Variants in ZFYVE28 observed in about 807,000 individuals in gnomAD.
ZFYVE28 encodes zinc finger FYVE-type containing 28.
A neutral mutation model predicts 82.1 loss-of-function variants in ZFYVE28; 40 were observed. The observed-to-expected ratio is 0.49, with a 90% CI of 0.38 to 0.63. The LOEUF (loss-of-function observed/expected upper bound fraction) is 0.63, where lower values mean the gene tolerates loss of function less well. Among genes scored for constraint, ZFYVE28 ranks in the 30% least tolerant of loss-of-function variants. The pLI is 0.00. For synonymous variants in ZFYVE28, 612 were observed against 546.1 expected, an observed-to-expected ratio of 1.12 and a Z score of -1.68; for missense variants, 1,321 against 1,242.1, an observed-to-expected ratio of 1.06 and a Z score of -0.96.
intron 2 of ZFYVE28, among the ~76,000 whole-genome samples, chr4:2,344,066 C>G (rs989938089): frequency 1.3e-5 from 2 of 152,160 alleles, no homozygotes; most frequent in Non-Finnish European, 2.9e-5. Context: ...AGACAGGAAA[C>G]AAACAAGGTG....
At chr4:2,368,215 A>AACAAAAAC (rs1205022266) in intron 1 of ZFYVE28, among the ~76,000 whole-genome samples, 75 of 146,374 alleles carry the variant, frequency 5.1e-4, no homozygotes, top group Admixed American at 1.4e-3. Flanking sequence ...TCTCTACAAA[A>AACAAAAAC]AAAAAAAAAA....
At chr4:2,285,284 A>T (rs1430548989) in intron 8 of ZFYVE28, 1 of 152,252 alleles carries the variant, frequency 6.6e-6, no homozygotes, top group East Asian at 1.9e-4. Context: ...TGACACCTTG[A>T]TCTCGACTTC....
chr4:2,317,238 T>C (rs1477642253), intron 7 of ZFYVE28, among the ~76,000 whole-genome samples: 2 of 152,200 alleles, frequency 1.3e-5, no homozygotes, highest in Non-Finnish European at 2.9e-5. Context: ...TCCGCCCACC[T>C]TGGCCTCCCA....
At position 2,304,984 on chromosome 4, in the gene ZFYVE28, C is replaced by A. The variant is rs756872061; in HGVS notation, c.1356G>T (p.Ser452=). Residue 452 remains serine (S), a synonymous_variant, in exon 8 of 13, where the codon TCG becomes TCT. Transcript: ENST00000290974. ...TGTTGCTCAAGTCCTCCTCCTTTTC[C>A]GAGGCGGGCAAGCTGATCCCCGCCG... The part of the protein sequence containing the change: ...GGAAGISLPA[S]EKEEDLSNNN... The A allele has an allele frequency of 6.2e-7, 1 of 1,612,610 alleles. No individual in the cohort carries two copies. The highest frequency in any genetic ancestry group is 1.3e-5 in the African/African-American group (1 of 74,930).
intron 1 of ZFYVE28, among the ~76,000 whole-genome samples, chr4:2,369,976 G>A (rs528767032): frequency 1.3e-4 from 20 of 148,376 alleles, no homozygotes; most frequent in African/African-American, 4.0e-4. Flanking sequence ...TCAGCCTCCC[G>A]AGCAGGTGGG....
chr4:2,330,557 G>A, intron 6 of ZFYVE28: 1 of 1,180,836 alleles, frequency 8.5e-7, no homozygotes, highest in East Asian at 5.4e-5. Context: ...GGAGGGGACA[G>A]CATGGAGAAT....
intron 1 of ZFYVE28, among the ~76,000 whole-genome samples, chr4:2,371,842 G>C (rs1213943100): frequency 2.0e-5 from 3 of 152,184 alleles, no homozygotes; most frequent in Non-Finnish European, 4.4e-5. Flanking sequence ...CAAACAGCTG[G>C]CAGCCCGCCC....
intron 8 of ZFYVE28, among the ~76,000 whole-genome samples, chr4:2,291,528 A>G (rs564500236): frequency 6.6e-6 from 1 of 152,306 alleles, no homozygotes; most frequent in East Asian, 1.9e-4. Flanking sequence ...TGCTGCCAGG[A>G]GCAGGGAGTA....
At chr4:2,272,948 C>T (rs558820874) in intron 10 of ZFYVE28, among the ~76,000 whole-genome samples, 1 of 152,352 alleles carries the variant, frequency 6.6e-6, no homozygotes, top group African/African-American at 2.4e-5. Flanking sequence ...GGCAGCCCAT[C>T]TGGGCACTTC....
chr4:2,400,978 CA>C (rs1436033502), intron 1 of ZFYVE28, among the ~76,000 whole-genome samples: 1 of 152,210 alleles, frequency 6.6e-6, no homozygotes, highest in Non-Finnish European at 1.5e-5. Context: ...CAACAGGATT[CA>C]GCTATTGACT....
intron 8 of ZFYVE28, chr4:2,285,494 G>C (rs1156651063): frequency 6.6e-6 from 1 of 152,278 alleles, no homozygotes; most frequent in Non-Finnish European, 1.5e-5. Flanking sequence ...TTCTGAGCAG[G>C]CTGGAATCTC....
At chr4:2,305,624 T>C (rs1716450891) in intron 7 of ZFYVE28, 88 bp from the exon 8 acceptor site, 2 of 1,496,174 alleles carry the variant, frequency 1.3e-6, no homozygotes, top group Non-Finnish European at 9.1e-7. Context: ...CCCTGGAGTC[T>C]GCACCAGCAG....
intron 3 of ZFYVE28, among the ~76,000 whole-genome samples, chr4:2,340,121 C>T (rs532532185): frequency 8.5e-5 from 13 of 152,286 alleles, no homozygotes; most frequent in African/African-American, 2.4e-4. Context: ...AGCAGCCGGG[C>T]TGATCCGGGC....
In ZFYVE28 at chr4:2,276,672, G is replaced by A. The variant is rs1476058638; in HGVS notation, c.2052-2456C>T. The stretch of plus-strand genomic sequence containing the variant: ...ATCTAGGCTACAGCCACGGATGAAT[G>A]TTGGCAAGATCATGCTGAGTGAAAC... On this transcript the variant is annotated intron_variant, in intron 8 of 12. Coordinates refer to ENST00000290974, the MANE Select transcript of ZFYVE28 (RefSeq NM_020972.3). Among the ~76,000 whole-genome samples the A allele has an allele frequency of 2.0e-5, 3 of 152,154 alleles. No individual in the cohort carries two copies. The East Asian group carries it at 5.8e-4, about 29-fold the overall frequency.
intron 8 of ZFYVE28, among the ~76,000 whole-genome samples, chr4:2,277,126 C>G (rs910086821): frequency 1.3e-5 from 2 of 152,182 alleles, no homozygotes; most frequent in African/African-American, 4.8e-5. Flanking sequence ...AACCACTGAA[C>G]TGTGTGATTT....
At chr4:2,389,490 C>A (rs1339467935) in intron 1 of ZFYVE28, among the ~76,000 whole-genome samples, 1 of 152,160 alleles carries the variant, frequency 6.6e-6, no homozygotes, top group Non-Finnish European at 1.5e-5. Context: ...CAACTCAAGG[C>A]CAGAAGAAGC....
At chr4:2,302,085 G>C in intron 8 of ZFYVE28, among the ~76,000 whole-genome samples, 1 of 152,246 alleles carries the variant, frequency 6.6e-6, no homozygotes, top group East Asian at 1.9e-4. Flanking sequence ...AAGGCCAGGA[G>C]AGCGAGGTGG....
chr4:2,312,666 T>G (rs1258044963), intron 7 of ZFYVE28, among the ~76,000 whole-genome samples: 1 of 140,266 alleles, frequency 7.1e-6, no homozygotes, highest in Non-Finnish European at 1.5e-5. Context: ...AGGCGGAGCT[T>G]GCAGTGAGCG....
chr4:2,397,534 T>C (rs1208499426), intron 1 of ZFYVE28, among the ~76,000 whole-genome samples: 2 of 149,874 alleles, frequency 1.3e-5, no homozygotes, highest in Admixed American at 6.7e-5. Context: ...CCATCCCTTC[T>C]CCACAACTTT....
Sources: allele counts gnomAD v4.1 joint callset (sites outside exome capture counted in the v4.1 genomes callset), GRCh38; gene constraint gnomAD v4.1.1; transcripts MANE v1.5; gene names NCBI Gene and HGNC (gene_info 2026-07-23, HGNC 2026-07-21).